Variants in MRC2 observed in about 807,000 individuals in gnomAD.
MRC2 encodes mannose receptor C-type 2, also known as C-type mannose receptor 2.
In MRC2, 84 loss-of-function variants were observed where a neutral mutation model predicts 206.2. The observed-to-expected ratio is 0.41, with a 90% CI of 0.34 to 0.49. The LOEUF (loss-of-function observed/expected upper bound fraction) is 0.49. Among genes scored for constraint, MRC2 ranks in the 20% least tolerant of loss-of-function variants. MRC2 has a pLI of 0.31. For missense variants in MRC2, 1,676 were observed against 2,001.5 expected, an observed-to-expected ratio of 0.84 and a Z score of 3.10; for synonymous variants, 798 against 800.0, an observed-to-expected ratio of 1.00 and a Z score of 0.04.
At chr17:62,665,588 T>C (rs778579456) in intron 2 of MRC2, among the ~76,000 whole-genome samples, 1 of 152,136 alleles carries the variant, frequency 6.6e-6, no homozygotes, top group Non-Finnish European at 1.5e-5. Context: ...TGAAACCCCA[T>C]TGTAGCCCCC....
At chr17:62,688,448 C>G (rs367601708) in intron 21 of MRC2, 45 bp downstream of exon 21, 35 of 1,613,828 alleles carry the variant, frequency 2.2e-5, no homozygotes, top group African/African-American at 2.7e-5. Flanking sequence ...CTGACACTGT[C>G]CCCCCAAATA....
intron 20 of MRC2, among the ~76,000 whole-genome samples, chr17:62,684,986 C>A (rs1354252708): frequency 6.6e-6 from 1 of 152,058 alleles, no homozygotes; most frequent in East Asian, 1.9e-4. Context: ...ACTAAAAATA[C>A]AAAAAATTAT....
chr17:62,639,293 G>A (rs952639172), intron 1 of MRC2, among the ~76,000 whole-genome samples: 3 of 152,090 alleles, frequency 2.0e-5, no homozygotes, highest in African/African-American at 7.2e-5. Flanking sequence ...GTGGTGAGCC[G>A]AGATTGTGCC....
intron 8 of MRC2, 87 bp from the exon 9 acceptor site, chr17:62,673,976 C>T: frequency 9.6e-7 from 1 of 1,040,656 alleles, no homozygotes. Context: ...AGAGACAGGG[C>T]CAGCTCTAGG....
At chr17:62,630,957 G>A (rs1157167372) in intron 1 of MRC2, among the ~76,000 whole-genome samples, 4 of 152,094 alleles carry the variant, frequency 2.6e-5, no homozygotes, top group African/African-American at 9.7e-5. Context: ...CCCAGGAGGT[G>A]CCCAGCCGAG....
At position 62,675,733 on chromosome 17, in the gene MRC2, G is replaced by A; in HGVS notation, c.1570-57G>A. 7.4e-7 allele frequency: 1 copy of A among 1,347,690 alleles called. No homozygotes were observed. Among genetic ancestry groups the A allele is most frequent in the Non-Finnish European group, 1.1e-6 (1 of 939,462 alleles). The allele number at this position is 1,347,690 out of a possible 1,614,324, so 83.5% of individuals were successfully genotyped here. A position where few individuals can be genotyped will look rare whatever the true frequency, so the allele number is the denominator to read the frequency against. On this transcript the variant is annotated intron_variant, in intron 9 of 29. Coordinates refer to ENST00000303375, the MANE Select transcript of MRC2 (RefSeq NM_006039.5). This position sits in a 1 kb window ranked among gnomAD's most constrained non-coding sequence, Gnocchi z 4.1. ...ATCTCCCACCACAGGATTTATGGGT[G>A]AGGGTGGAGAGTCATCTTCCCTACA...
chr17:62,644,655 A>G (rs2070653087), intron 1 of MRC2, among the ~76,000 whole-genome samples: 1 of 152,194 alleles, frequency 6.6e-6, no homozygotes, highest in African/African-American at 2.4e-5. Flanking sequence ...TCCTGTTCCC[A>G]GTACCGTCCT....
Position 62,680,598 on chromosome 17 carries a change from A to G in MRC2, c.2473+145A>G, listed in dbSNP as rs1388290443. On this transcript the variant is annotated intron_variant, in intron 16 of 29. Transcript: ENST00000303375. This position sits in a 1 kb window ranked among gnomAD's most constrained non-coding sequence, Gnocchi z 4.8. ...GGACGGGGTTGGCTCGGACGGAGGCAGCCACAGCCCTGTTTGCTTCCGTGT... is the reference window on the plus strand; with the variant it reads ...GGACGGGGTTGGCTCGGACGGAGGCGGCCACAGCCCTGTTTGCTTCCGTGT... 1.5e-6 allele frequency: 2 copies of G among 1,329,056 alleles called. No individual in the cohort carries two copies. Among genetic ancestry groups the G allele is most frequent in the African/African-American group, 2.9e-5 (2 of 68,916 alleles). The allele number at this position is 1,329,056 out of a possible 1,614,324, so 82.3% of individuals were successfully genotyped here. A position where few individuals can be genotyped will look rare whatever the true frequency, so the allele number is the denominator to read the frequency against.
chr17:62,642,058 G>A (rs746061922), intron 1 of MRC2, among the ~76,000 whole-genome samples: 11 of 152,086 alleles, frequency 7.2e-5, no homozygotes, highest in African/African-American at 2.4e-4. Flanking sequence ...GAAATAGAGC[G>A]GATGCAATTT....
chr17:62,685,204 A>G (rs1366177299), intron 20 of MRC2, among the ~76,000 whole-genome samples: 4 of 152,164 alleles, frequency 2.6e-5, no homozygotes, highest in African/African-American at 9.7e-5. Flanking sequence ...TTAAAAAATT[A>G]AGGCATGTAT....
intron 19 of MRC2, 51 bp from the exon 20 acceptor site, chr17:62,682,184 C>A: frequency 2.0e-6 from 3 of 1,494,166 alleles, no homozygotes; most frequent in South Asian, 2.6e-5. Flanking sequence ...CCAGCCATGC[C>A]CTGCCCTGCT....
intron 1 of MRC2, among the ~76,000 whole-genome samples, chr17:62,647,160 A>G (rs887457465): frequency 1.3e-5 from 2 of 150,984 alleles, no homozygotes; most frequent in Non-Finnish European, 2.9e-5. Flanking sequence ...AAATGAAGTT[A>G]TACTATATAT....
Position 62,680,909 on chromosome 17 carries a change from C to G in MRC2, c.2583C>G (p.Thr861=). ...GCACGTGGTTCCAGGCCGAGCTGAC[C>G]TCGGTGCACAGCCAGGCGGAGCTAG... is the stretch of plus-strand genomic sequence containing the variant. ...RICTWFQAEL[T]SVHSQAELDF... Residue 861 remains threonine (T), a synonymous_variant, in exon 17 of 30, where the codon ACC becomes ACG. Transcript: ENST00000303375. The surrounding 1 kb of genome is among the most constrained non-coding windows in gnomAD (Gnocchi z 4.8). 3 of 1,613,240 alleles carry G rather than the reference C, an allele frequency of 1.9e-6. No individual in the cohort carries two copies. Among genetic ancestry groups the G allele is most frequent in the Non-Finnish European group, 2.5e-6 (3 of 1,179,950 alleles).
intron 1 of MRC2, among the ~76,000 whole-genome samples, chr17:62,633,367 T>G (rs1487287178): frequency 6.6e-6 from 1 of 151,362 alleles, no homozygotes; most frequent in East Asian, 2.0e-4. Flanking sequence ...CTGGGTGTGA[T>G]GTGGGGGCGC....
chr17:62,674,626 C>G (rs1205800357), intron 9 of MRC2, among the ~76,000 whole-genome samples: 1 of 152,164 alleles, frequency 6.6e-6, no homozygotes, highest in Non-Finnish European at 1.5e-5. Context: ...TGAGGCCACT[C>G]AGGGTGGGGC....
intron 2 of MRC2, 150 bp from the exon 3 acceptor site, chr17:62,665,944 C>T: frequency 2.7e-6 from 2 of 750,942 alleles, no homozygotes; most frequent in South Asian, 1.9e-5. Context: ...AGCCTTAAAG[C>T]CACTATGGGG....
Position 62,627,900 on chromosome 17 carries a change from C to G in MRC2, c.98C>G (p.Pro33Arg). 1 of 1,468,690 alleles carries G rather than the reference C, an allele frequency of 6.8e-7. No individual in the cohort carries two copies. Among genetic ancestry groups the G allele is most frequent in the Non-Finnish European group, 9.0e-7 (1 of 1,116,888 alleles). The allele number at this position is 1,468,690 out of a possible 1,614,324, so 91.0% of individuals were successfully genotyped here. A position where few individuals can be genotyped will look rare whatever the true frequency, so the allele number is the denominator to read the frequency against. ...CTGCACCTCGGCCGTCCCGGCGCCC[C>G]TGGGGACGCCGCCCTCCCGGGTAAG... ...GCLHLGRPGA[P>R]GDAALPEPNV... Residue 33 changes from proline (P) to arginine (R), a missense_variant, in exon 1 of 30, where the codon CCT (proline) becomes CGT (arginine). By Grantham distance (103) the Pro-to-Arg change is moderately radical. Transcript: ENST00000303375.
rs144616935 is a variant in MRC2, at chr17:62,692,338, G to C, written c.4327G>C (p.Glu1443Gln). Residue 1443 changes from glutamate to glutamine, a missense_variant, in exon 30 of 30, where the codon GAG becomes CAG. Glu to Gln is a conservative substitution (Grantham distance 29). Coordinates refer to ENST00000303375, the MANE Select transcript of MRC2 (RefSeq NM_006039.5). This position sits in a 1 kb window ranked among gnomAD's most constrained non-coding sequence, Gnocchi z 4.2. ...CCTTTACCGGAGGCGCCAGAGCATC[G>C]AGCGCGGGGCCTTTGAGGGTGCCCG... ...LILYRRRQSIERGAFEGARYS... is the reference protein window; with the variant it reads ...LILYRRRQSIQRGAFEGARYS... 11 of 1,576,708 alleles carry C rather than the reference G, an allele frequency of 7.0e-6. No homozygotes were observed. The highest frequency in any genetic ancestry group is 3.5e-5 in the South Asian group (3 of 86,490).
chr17:62,634,257 C>T (rs1052998027), intron 1 of MRC2, among the ~76,000 whole-genome samples: 4 of 151,812 alleles, frequency 2.6e-5, no homozygotes, highest in African/African-American at 4.8e-5. Context: ...CATGCCAATG[C>T]GTTATAATTA....
Sources: allele counts gnomAD v4.1 joint callset (sites outside exome capture counted in the v4.1 genomes callset), GRCh38; gene constraint gnomAD v4.1.1; non-coding constraint Gnocchi (gnomAD v3.1); transcripts MANE v1.5; gene names NCBI Gene and HGNC (gene_info 2026-07-23, HGNC 2026-07-21).